The following ZNF81 variants were observed in gnomAD, a reference collection of about 807,000 sequenced individuals.
ZNF81 encodes the protein zinc finger protein 81 (HFZ20).
Under a neutral mutation model 32.3 loss-of-function variants are expected in ZNF81, and 5 were observed. The observed-to-expected ratio is 0.15, with a 90% CI of 0.08 to 0.33. ZNF81 has a LOEUF of 0.33. ZNF81 is among the 10% of genes least tolerant of loss of function. The pLI, the probability that ZNF81 is intolerant of heterozygous loss-of-function variation, is 1.00. For missense variants in ZNF81, 379 were observed against 479.8 expected (o/e 0.79, Z 1.96); for synonymous variants, 163 against 166.8 (o/e 0.98, Z 0.17).
intron 4 of ZNF81, among the ~76,000 whole-genome samples, chrX:47,909,592 C>T (rs1220399682): frequency 1.9e-5 from 2 of 106,334 alleles, no homozygotes; most frequent in East Asian, 2.9e-4. Context: ...TTTATTGAGG[C>T]TTTTTTTTCT....
intron 2 of ZNF81, among the ~76,000 whole-genome samples, chrX:47,856,199 A>G (rs1277133307): frequency 9.0e-6 from 1 of 111,657 alleles, no homozygotes; most frequent in African/African-American, 3.3e-5. Flanking sequence ...AAATGCAAAT[A>G]TATATGAATG....
intron 2 of ZNF81, among the ~76,000 whole-genome samples, chrX:47,872,534 T>G: frequency 9.0e-6 from 1 of 111,348 alleles, no homozygotes; most frequent in Middle Eastern, 4.6e-3. Context: ...ACTCATTAGC[T>G]AGAGGAACAG....
intron 2 of ZNF81, among the ~76,000 whole-genome samples, chrX:47,873,894 T>G (rs1556884215): frequency 9.0e-6 from 1 of 111,289 alleles, no homozygotes; most frequent in East Asian, 2.8e-4. Flanking sequence ...CTCGAACTCC[T>G]TGGCCTCAAG....
intron 4 of ZNF81, among the ~76,000 whole-genome samples, chrX:47,902,140 G>T (rs2058700733): frequency 9.0e-6 from 1 of 110,613 alleles, no homozygotes; most frequent in Admixed American, 9.6e-5. Context: ...TCAATATTTC[G>T]ACATAAGTTT....
Position 47,895,878 on chromosome X carries a change from A to G in ZNF81, c.215A>G (p.Lys72Arg). 1 of 1,210,809 alleles carries G rather than the reference A, an allele frequency of 8.3e-7. No individual in the cohort carries two copies. The highest frequency in any genetic ancestry group is 3.0e-5 in the East Asian group (1 of 33,813). Residue 72 changes from lysine (K) to arginine (R), a missense_variant, in exon 4 of 5, where the codon AAG becomes AGG. By Grantham distance (26) the Lys-to-Arg change is conservative. Transcript: ENST00000338637. ...GTTCCTAAACCAGAGGTCATCTTCAAGTTGGAGCAAGGAGAGGGGCCATGG... is the reference window on the plus strand; with the variant it reads ...GTTCCTAAACCAGAGGTCATCTTCAGGTTGGAGCAAGGAGAGGGGCCATGG... ...FEVPKPEVIFKLEQGEGPWTL... is the reference protein window; with the variant it reads ...FEVPKPEVIFRLEQGEGPWTL...
At chrX:47,863,089 A>G (rs988360589) in intron 2 of ZNF81, among the ~76,000 whole-genome samples, 1 of 111,654 alleles carries the variant, frequency 9.0e-6, no homozygotes, top group African/African-American at 3.3e-5. Flanking sequence ...AGTGGACAGC[A>G]AGCCTTATCT....
At chrX:47,891,706 A>G (rs1603200018) in intron 3 of ZNF81, among the ~76,000 whole-genome samples, 1 of 111,895 alleles carries the variant, frequency 8.9e-6, no homozygotes, top group Admixed American at 9.4e-5. Flanking sequence ...TAACCACTAC[A>G]CTTTGTAAGC....
intron 2 of ZNF81, among the ~76,000 whole-genome samples, chrX:47,855,824 G>T (rs2058514222): frequency 1.8e-5 from 2 of 109,887 alleles, no homozygotes; most frequent in Admixed American, 9.8e-5. Context: ...CGAGGCAGGT[G>T]GATCACTTGA....
At chrX:47,866,249 A>G (rs4824642) in intron 2 of ZNF81, among the ~76,000 whole-genome samples, 45,065 of 111,043 alleles carry the variant, frequency 0.41, 7,154 homozygotes, top group East Asian at 0.63. Flanking sequence ...AGAGAAAAAG[A>G]CGTAGCCAGC....
chrX:47,888,289 G>A (rs2058650231), intron 3 of ZNF81, 164 bp downstream of exon 3: 3 of 736,300 alleles, frequency 4.1e-6, no homozygotes, highest in Middle Eastern at 4.6e-4. Context: ...GATCATTAGG[G>A]TGGGCTTTAA....
chrX:47,884,972 G>A (rs1484522310), intron 2 of ZNF81, among the ~76,000 whole-genome samples: 1 of 111,797 alleles, frequency 8.9e-6, no homozygotes, highest in Non-Finnish European at 1.9e-5. Context: ...AGATGGTGGT[G>A]CCAAGGACCC....
chrX:47,886,226 C>A (rs2058641190), intron 2 of ZNF81, among the ~76,000 whole-genome samples: 1 of 112,311 alleles, frequency 8.9e-6, no homozygotes, highest in Admixed American at 9.4e-5. Context: ...CCACACCTTT[C>A]TGTCTCTTTC....
At chrX:47,904,156 G>T (rs2058710703) in intron 4 of ZNF81, among the ~76,000 whole-genome samples, 1 of 111,832 alleles carries the variant, frequency 8.9e-6, no homozygotes, top group African/African-American at 3.3e-5. Context: ...CACGGGCAAG[G>T]ACTTCATGTC....
chrX:47,916,521 C>CAA lies in ZNF81; in HGVS notation c.1876_1877dup (p.Asn626LysfsTer44). On this transcript the variant is annotated frameshift_variant, in exon 5 of 5. Transcript: ENST00000338637. LOFTEE classifies it high-confidence loss of function. ...AAGCCTTCACTGATAGGTCAAATTT[C>CAA]AATAAACATCAGACAATTCATACTG... 8.3e-7 allele frequency: 1 copy of CAA among 1,208,945 alleles called. No individual in the cohort carries two copies. Among genetic ancestry groups the CAA allele is most frequent in the Non-Finnish European group, 1.1e-6 (1 of 894,054 alleles).
chrX:47,899,290 GT>G (rs377718867), intron 4 of ZNF81, among the ~76,000 whole-genome samples: 4 of 101,677 alleles, frequency 3.9e-5, no homozygotes, highest in African/African-American at 1.4e-4. Context: ...TTGTTTCATA[GT>G]TTTTTTTTTT....
intron 3 of ZNF81, among the ~76,000 whole-genome samples, chrX:47,892,932 C>G (rs1463779135): frequency 8.9e-6 from 1 of 112,677 alleles, no homozygotes; most frequent in African/African-American, 3.2e-5. Context: ...AGGCAAGTAC[C>G]TCAGGGGAAG....
At chrX:47,838,030 C>T (rs2058432195) in intron 1 of ZNF81, among the ~76,000 whole-genome samples, 1 of 111,818 alleles carries the variant, frequency 8.9e-6, no homozygotes. Context: ...TTTTAATTTT[C>T]ATCACCCAAG....
intron 2 of ZNF81, among the ~76,000 whole-genome samples, chrX:47,865,355 A>T (rs782786654): frequency 1.5e-3 from 172 of 112,030 alleles, no homozygotes; most frequent in African/African-American, 5.1e-3. Context: ...TTCAGTTTCG[A>T]CAAGGGCCCA....
intron 2 of ZNF81, among the ~76,000 whole-genome samples, chrX:47,855,373 T>G (rs1556881753): frequency 1.8e-5 from 2 of 110,747 alleles, no homozygotes; most frequent in Non-Finnish European, 3.8e-5. Flanking sequence ...ACCTGCAGTT[T>G]ACGAGAAACA....
Sources: gnomAD v4.1 joint callset for allele counts (sites outside exome capture counted in the v4.1 genomes callset) on GRCh38, gnomAD v4.1.1 for gene constraint, MANE v1.5 for transcripts, NCBI Gene and HGNC (gene_info 2026-07-23, HGNC 2026-07-21) for gene names.